Variants in SAMMSON observed in about 807,000 individuals in gnomAD.
SAMMSON encodes the protein long intergenic non-protein coding RNA 1212.
intron 2 of SAMMSON, among the ~76,000 whole-genome samples, chr3:70,409,387 T>TGA (rs1701200719): frequency 6.6e-6 from 1 of 151,782 alleles, no homozygotes; most frequent in Non-Finnish European, 1.5e-5. Flanking sequence ...GAAAAACTTA[T>TGA]CACACAACGT....
intron 3 of SAMMSON, among the ~76,000 whole-genome samples, chr3:70,067,875 G>A (rs2067215867): frequency 6.6e-6 from 1 of 151,998 alleles, no homozygotes; most frequent in Non-Finnish European, 1.5e-5. Context: ...CTGATTTTTT[G>A]CCCTGCTTTT....
intron 2 of SAMMSON, among the ~76,000 whole-genome samples, chr3:70,419,450 C>T (rs1575645654): frequency 1.3e-5 from 2 of 152,080 alleles, no homozygotes; most frequent in Non-Finnish European, 2.9e-5. Context: ...AGTTATTGTT[C>T]CCAAATGGTT....
chr3:70,181,185 T>C (rs781028339), intron 4 of SAMMSON, among the ~76,000 whole-genome samples: 5 of 152,208 alleles, frequency 3.3e-5, no homozygotes, highest in Non-Finnish European at 7.3e-5. Flanking sequence ...CTCTCTGCAA[T>C]GGCCAAGTTT....
chr3:70,370,789 T>C (rs1702962672), intron 9 of SAMMSON, among the ~76,000 whole-genome samples: 1 of 152,142 alleles, frequency 6.6e-6, no homozygotes, highest in Admixed American at 6.6e-5. Flanking sequence ...CTTAATAATT[T>C]CCTTTGCTGT....
intron 9 of SAMMSON, among the ~76,000 whole-genome samples, chr3:70,385,086 C>G (rs969406180): frequency 1.3e-5 from 2 of 152,088 alleles, no homozygotes; most frequent in African/African-American, 4.8e-5. Context: ...GTCCATCTTT[C>G]TAAGGAATGT....
At chr3:70,316,644 G>T (rs111812978) in intron 7 of SAMMSON, among the ~76,000 whole-genome samples, 18 of 151,920 alleles carry the variant, frequency 1.2e-4, no homozygotes, top group African/African-American at 3.9e-4. Flanking sequence ...AAATACACAT[G>T]GTATAAATCA....
At chr3:70,284,326 G>T (rs1265153397) in intron 6 of SAMMSON, among the ~76,000 whole-genome samples, 2 of 152,128 alleles carry the variant, frequency 1.3e-5, no homozygotes, top group Non-Finnish European at 2.9e-5. Flanking sequence ...AGTTAGCCTT[G>T]TTCCAAGTTG....
At chr3:70,141,246 G>A (rs567416209) in intron 4 of SAMMSON, among the ~76,000 whole-genome samples, 1 of 152,246 alleles carries the variant, frequency 6.6e-6, no homozygotes, top group Non-Finnish European at 1.5e-5. Flanking sequence ...ACAATCATGA[G>A]GCTGAGAAGT....
chr3:70,002,057 C>T (rs535931684), intron 1 of SAMMSON, among the ~76,000 whole-genome samples: 1 of 152,134 alleles, frequency 6.6e-6, no homozygotes, highest in Non-Finnish European at 1.5e-5. Flanking sequence ...TCGGTCATTG[C>T]CTGCATGAGT....
chr3:70,367,859 C>A (rs1030416693), intron 9 of SAMMSON, among the ~76,000 whole-genome samples: 1 of 151,484 alleles, frequency 6.6e-6, no homozygotes, highest in Non-Finnish European at 1.5e-5. Context: ...ACTAGAGTCC[C>A]CCTTTCTCCG....
intron 6 of SAMMSON, among the ~76,000 whole-genome samples, chr3:70,263,428 G>A (rs1051700144): frequency 1.8e-4 from 28 of 152,066 alleles, no homozygotes; most frequent in African/African-American, 6.8e-4. Flanking sequence ...GCTTTTCTAA[G>A]GTGTGATCCT....
intron 4 of SAMMSON, among the ~76,000 whole-genome samples, chr3:70,123,643 T>C (rs1273040375): frequency 6.6e-6 from 1 of 152,224 alleles, no homozygotes; most frequent in Non-Finnish European, 1.5e-5. Context: ...TCAGCCATGC[T>C]TGGAAACCAG....
At chr3:70,235,306 A>T (rs1048640963) in intron 4 of SAMMSON, among the ~76,000 whole-genome samples, 28 of 152,002 alleles carry the variant, frequency 1.8e-4, no homozygotes, top group Admixed American at 3.9e-4. Context: ...GAGACTATAA[A>T]TCCTTTGTGC....
chr3:70,303,105 G>C (rs1362360948), intron 7 of SAMMSON, among the ~76,000 whole-genome samples: 1 of 152,140 alleles, frequency 6.6e-6, no homozygotes, highest in Non-Finnish European at 1.5e-5. Context: ...GAAACATTCA[G>C]TGCTTCATCA....
chr3:70,049,747 T>C (rs751356498), intron 3 of SAMMSON, among the ~76,000 whole-genome samples: 8 of 152,144 alleles, frequency 5.3e-5, no homozygotes, highest in Non-Finnish European at 8.8e-5. Context: ...TTGTTGCTGT[T>C]GCTGAATTAT....
chr3:70,038,636 A>G (rs1055271346), intron 3 of SAMMSON, among the ~76,000 whole-genome samples: 3 of 152,150 alleles, frequency 2.0e-5, no homozygotes, highest in African/African-American at 4.8e-5. Flanking sequence ...GGTAACTGTT[A>G]TTCATTGTAA....
intron 6 of SAMMSON, among the ~76,000 whole-genome samples, chr3:70,279,965 G>A (rs532706656): frequency 6.6e-6 from 1 of 152,118 alleles, no homozygotes; most frequent in Non-Finnish European, 1.5e-5. Flanking sequence ...GTTTTTTAGG[G>A]TTGCTGTAAC....
intron 4 of SAMMSON, among the ~76,000 whole-genome samples, chr3:70,179,174 G>A (rs1428891631): frequency 1.3e-5 from 2 of 152,186 alleles, no homozygotes; most frequent in Non-Finnish European, 2.9e-5. Flanking sequence ...GACTTAGAAT[G>A]TCAAACTGGA....
chr3:70,325,871 GCCCTAACATAACTGATAAA>G (rs947440533), intron 7 of SAMMSON, among the ~76,000 whole-genome samples: 2 of 152,098 alleles, frequency 1.3e-5, no homozygotes, highest in Non-Finnish European at 2.9e-5. Context: ...AGCCTGGATA[GCCCTAACATAACTGATAAA>G]CCCCTTCTAG....
Sources: gnomAD v4.1 joint callset for allele counts (sites outside exome capture counted in the v4.1 genomes callset) on GRCh38, gnomAD v4.1.1 for gene constraint, MANE v1.5 for transcripts, NCBI Gene and HGNC (gene_info 2026-07-23, HGNC 2026-07-21) for gene names.